The following RTCB variants were observed in gnomAD, a reference collection of about 807,000 sequenced individuals.
RTCB encodes the protein RNA-splicing ligase RTCB.
Under a neutral mutation model 58.2 loss-of-function variants are expected in RTCB, and 32 were observed. The ratio of observed to expected loss-of-function variants is 0.55; its 90% CI spans 0.41 to 0.74. The LOEUF (loss-of-function observed/expected upper bound fraction) is 0.74. Among genes scored for constraint, RTCB ranks in the 30% least tolerant of loss-of-function variants. RTCB has a pLI of 0.00. For synonymous variants in RTCB, 247 were observed against 218.6 expected, an observed-to-expected ratio of 1.13 and a Z score of -1.15; for missense variants, 523 against 639.0, an observed-to-expected ratio of 0.82 and a Z score of 1.96.
chr22:32,390,150 C>T (rs1014218143), intron 11 of RTCB, among the ~76,000 whole-genome samples: 2 of 152,148 alleles, frequency 1.3e-5, no homozygotes, highest in African/African-American at 4.8e-5. Context: ...CCTTTCCCTG[C>T]TTTTTATTTC....
chr22:32,407,583 A>C (rs1263735683), intron 3 of RTCB: 2 of 152,296 alleles, frequency 1.3e-5, no homozygotes, highest in East Asian at 1.9e-4. Context: ...AGTGAAGTGA[A>C]ACTTACAATG....
In RTCB at chr22:32,408,834, C is replaced by A. The variant is rs1445193676; in HGVS notation, c.94-1G>T. The A allele has an allele frequency of 6.2e-7, 1 of 1,611,790 alleles. No individual in the cohort carries two copies. The highest frequency in any genetic ancestry group is 2.2e-5 in the East Asian group (1 of 44,872). On this transcript the variant is annotated splice_acceptor_variant, in intron 1 of 11. Coordinates refer to ENST00000216038, the MANE Select transcript of RTCB (RefSeq NM_014306.5). LOFTEE classifies it high-confidence loss of function. ...CATTCACATAGAAAACACCTTCAAC[C>A]TAGTACCAAGGAAAGTGAAAAGCAA...
At chr22:32,398,726 T>C (rs1209789246) in intron 6 of RTCB, among the ~76,000 whole-genome samples, 1 of 152,250 alleles carries the variant, frequency 6.6e-6, no homozygotes, top group Non-Finnish European at 1.5e-5. Flanking sequence ...TTGGTAAATG[T>C]TGACTCTTAG....
chr22:32,387,892 G>C lies in RTCB; in HGVS notation c.*100C>G, dbSNP rs533519224. 5.1e-6 allele frequency: 4 copies of C among 783,008 alleles called. No homozygotes were observed. In the East Asian group the frequency reaches 1.0e-4, roughly 20 times the overall value. The allele number at this position is 783,008 out of a possible 1,614,324, so 48.5% of individuals were successfully genotyped here. ...GTGAGCAGTTACAGCTGCACACTTT[G>C]CAACTTGTCCCGCCTTGAGTCTGAT... On this transcript the variant is annotated 3_prime_UTR_variant, in exon 12 of 12. Coordinates refer to ENST00000216038, the MANE Select transcript of RTCB (RefSeq NM_014306.5).
At position 32,392,365 on chromosome 22, in the gene RTCB, A is replaced by G; in HGVS notation, c.1291-6T>C. 1.5e-5 allele frequency: 24 copies of G among 1,613,680 alleles called. No homozygotes were observed. Among genetic ancestry groups the G allele is most frequent in the Non-Finnish European group, 1.9e-5 (23 of 1,179,752 alleles). ...GCTCGGGACAATGCACGGCCCTAGA[A>G]TGGGAAAGGAATGAACTTTACTTTA... is the stretch of plus-strand genomic sequence containing the variant. On this transcript the variant is annotated splice_polypyrimidine_tract_variant and splice_region_variant and intron_variant, in intron 10 of 11. Transcript: ENST00000216038.
intron 11 of RTCB, among the ~76,000 whole-genome samples, chr22:32,391,607 T>C (rs1488005548): frequency 6.6e-6 from 1 of 152,020 alleles, no homozygotes; most frequent in Non-Finnish European, 1.5e-5. Flanking sequence ...ATCAGGCTGG[T>C]CTCAAACTCC....
rs147536216 is a variant in RTCB at position 32,408,024 on chromosome 22, C to T, written c.240+151G>A. ...TCCATCTTGGTCTCTCAAAGTGTTG[C>T]GGGTGGCATGAGCCACTGAGCCTGG... On this transcript the variant is annotated intron_variant, in intron 3 of 11. Coordinates refer to ENST00000216038, the MANE Select transcript of RTCB (RefSeq NM_014306.5). The T allele has an allele frequency of 7.0e-5, 46 of 656,028 alleles. 2 individuals carry two copies. Among genetic ancestry groups the T allele is most frequent in the Middle Eastern group, 7.3e-4 (2 of 2,744 alleles). 40.6% of individuals were successfully genotyped at this position (656,028 alleles called of 1,614,324 possible). A position where few individuals can be genotyped will look rare whatever the true frequency, so the allele number is the denominator to read the frequency against.
At chr22:32,394,159 T>A (rs999074949) in intron 9 of RTCB, among the ~76,000 whole-genome samples, 157 bp from the exon 10 acceptor site, 4 of 151,060 alleles carry the variant, frequency 2.6e-5, no homozygotes, top group Non-Finnish European at 4.4e-5. Flanking sequence ...TCGCCCAGGC[T>A]GGAGTGCAGT....
chr22:32,400,317 A>AGGTACAC (rs139377669), intron 5 of RTCB, among the ~76,000 whole-genome samples: 1,828 of 152,332 alleles, frequency 0.012, 13 homozygotes, highest in East Asian at 0.016. Flanking sequence ...TTTGAAGCTG[A>AGGTACAC]GGTACACGTA....
At chr22:32,401,109 T>A (rs1185002987) in intron 5 of RTCB, among the ~76,000 whole-genome samples, 15 of 151,138 alleles carry the variant, frequency 9.9e-5, no homozygotes, top group Admixed American at 9.2e-4. Context: ...TTTTTTTTTT[T>A]AATTGAGACA....
intron 10 of RTCB, among the ~76,000 whole-genome samples, chr22:32,393,523 A>C (rs1181552034): frequency 1.3e-5 from 2 of 152,190 alleles, no homozygotes; most frequent in Non-Finnish European, 2.9e-5. Flanking sequence ...GAAGGGGCAA[A>C]TTAAACAAAG....
rs570541152 is a variant in RTCB, at chr22:32,389,988, G to A, written c.1411-1889C>T. ...CATAACCTCAGCTCACAGATTTTGCGCTTGCTGTTCTCTCTGCCTCGAAAG... is the reference window on the plus strand; with the variant it reads ...CATAACCTCAGCTCACAGATTTTGCACTTGCTGTTCTCTCTGCCTCGAAAG... On this transcript the variant is annotated intron_variant, in intron 11 of 11. Coordinates refer to ENST00000216038, the MANE Select transcript of RTCB (RefSeq NM_014306.5). Among the ~76,000 whole-genome samples the A allele has an allele frequency of 1.4e-4, 21 of 152,164 alleles. No homozygotes were observed. In the East Asian group the frequency reaches 2.9e-3, roughly 21 times the overall value.
chr22:32,405,028 G>T (rs1933397150), intron 4 of RTCB, among the ~76,000 whole-genome samples: 1 of 152,070 alleles, frequency 6.6e-6, no homozygotes, highest in Non-Finnish European at 1.5e-5. Flanking sequence ...ATATGAGTGG[G>T]TTCTTTAGTA....
chr22:32,411,095 C>G (rs1276441279), intron 1 of RTCB, among the ~76,000 whole-genome samples: 1 of 152,196 alleles, frequency 6.6e-6, no homozygotes, highest in Non-Finnish European at 1.5e-5. Context: ...ACAGATTTAT[C>G]CCCGTGCGCT....
rs1486798048 is a variant in RTCB, at chr22:32,412,169, T to C, written c.-13A>G. ...AGCTGCGACTCATGGTGGCGAAAAC[T>C]GTAGCAAAAACTCCCGGCTCCGCTT... On this transcript the variant is annotated 5_prime_UTR_variant, in exon 1 of 12. Transcript: ENST00000216038. 14 of 1,580,422 alleles carry C rather than the reference T, an allele frequency of 8.9e-6. No homozygotes were observed. The East Asian group carries it at 9.5e-5, about 11-fold the overall frequency.
At chr22:32,391,019 C>G (rs1443362236) in intron 11 of RTCB, among the ~76,000 whole-genome samples, 1 of 152,164 alleles carries the variant, frequency 6.6e-6, no homozygotes, top group Non-Finnish European at 1.5e-5. Context: ...CCAAACTAAT[C>G]TTGAACTCCT....
intron 1 of RTCB, 129 bp downstream of exon 1, chr22:32,411,935 G>A (rs936243364): frequency 1.2e-5 from 8 of 658,728 alleles, no homozygotes; most frequent in African/African-American, 1.9e-5. Context: ...GGAGAAGGAC[G>A]GGATGAGGGA....
At chr22:32,389,346 G>A (rs1451532808) in intron 11 of RTCB, among the ~76,000 whole-genome samples, 1 of 152,082 alleles carries the variant, frequency 6.6e-6, no homozygotes, top group Non-Finnish European at 1.5e-5. Context: ...TCATAAACAT[G>A]CTAACTTTAT....
Position 32,406,862 on chromosome 22 carries a change from C to T in RTCB, c.241-101G>A, listed in dbSNP as rs1024224687. The T allele has an allele frequency of 5.4e-6, 4 of 738,202 alleles. No individual in the cohort carries two copies. The East Asian group carries it at 8.0e-5, about 15-fold the overall frequency. 45.7% of individuals were successfully genotyped at this position (738,202 alleles called of 1,614,324 possible). ...TTCTCAAACAGGTTGCAGGCTGAAGCTTTCCCTAAATCAAGACTGTGTTTT... is the reference window on the plus strand; with the variant it reads ...TTCTCAAACAGGTTGCAGGCTGAAGTTTTCCCTAAATCAAGACTGTGTTTT... On this transcript the variant is annotated intron_variant, in intron 3 of 11. Transcript: ENST00000216038.
Sources: gnomAD v4.1 joint callset for allele counts (sites outside exome capture counted in the v4.1 genomes callset) on GRCh38, gnomAD v4.1.1 for gene constraint, MANE v1.5 for transcripts, NCBI Gene and HGNC (gene_info 2026-07-23, HGNC 2026-07-21) for gene names.